ARF4: variants seen among roughly 807,000 people sequenced by gnomAD.
The protein encoded by ARF4 is ADP-ribosylation factor 4.
A neutral mutation model predicts 24.3 loss-of-function variants in ARF4; 5 were observed. The observed-to-expected ratio is 0.21, with a 90% CI of 0.11 to 0.43. ARF4 has a LOEUF of 0.43. Ranked by LOEUF, ARF4 falls within the 20% of genes least tolerant of loss-of-function variation. The probability of loss-of-function intolerance (pLI) is 1.00; values close to 1 mark genes in which losing one functional copy is unlikely to be tolerated. For synonymous variants in ARF4, 62 were observed against 73.5 expected (o/e 0.84, Z 0.80); for missense variants, 107 against 213.0 (o/e 0.50, Z 3.10).
chr3:57,592,420 G>A (rs1293300172), intron 1 of ARF4, among the ~76,000 whole-genome samples: 6 of 152,148 alleles, frequency 3.9e-5, no homozygotes, highest in East Asian at 3.9e-4. Context: ...CCCAGGAGGC[G>A]GAGGTTGCAG....
chr3:57,587,319 C>CAAA (rs56787111), intron 1 of ARF4, among the ~76,000 whole-genome samples: 1,277 of 45,278 alleles, frequency 0.028, 32 homozygotes, highest in Non-Finnish European at 0.046. Context: ...AACTCAGTCT[C>CAAA]AAAAAAAAAA....
chr3:57,589,981 C>T (rs1171446320), intron 1 of ARF4, among the ~76,000 whole-genome samples: 1 of 150,162 alleles, frequency 6.7e-6, no homozygotes, highest in Non-Finnish European at 1.5e-5. Context: ...ATCCCAGCTA[C>T]TCGGGAGGCT....
At chr3:57,584,505 C>T in intron 1 of ARF4, 41 bp from the exon 2 acceptor site, 1 of 1,494,726 alleles carries the variant, frequency 6.7e-7, no homozygotes, top group Non-Finnish European at 9.3e-7. Context: ...AGACCAAAAG[C>T]ACACTCCAAG....
At chr3:57,590,107 A>ATAAATAAAT (rs1349159350) in intron 1 of ARF4, among the ~76,000 whole-genome samples, 1 of 145,878 alleles carries the variant, frequency 6.9e-6, no homozygotes, top group East Asian at 2.0e-4. Flanking sequence ...AAATAAATAA[A>ATAAATAAAT]TAAATAAATA....
Position 57,597,240 on chromosome 3 carries a change from A to C in ARF4, c.-100T>G. ...CCAGGCAAACTAAACGAGAGGGAAGAGAAAGAGCGGAGGAAGAAAGAGGGA... is the reference window on the plus strand; with the variant it reads ...CCAGGCAAACTAAACGAGAGGGAAGCGAAAGAGCGGAGGAAGAAAGAGGGA... On this transcript the variant is annotated 5_prime_UTR_variant, in exon 1 of 6. Transcript: ENST00000303436. The C allele has an allele frequency of 1.7e-6, 2 of 1,188,002 alleles. No individual in the cohort carries two copies. Among genetic ancestry groups the C allele is most frequent in the Admixed American group, 4.2e-5 (2 of 48,166 alleles). The allele number at this position is 1,188,002 out of a possible 1,614,324, so 73.6% of individuals were successfully genotyped here.
chr3:57,584,461 C>T lies in ARF4; in HGVS notation c.71G>A (p.Gly24Glu). Reference protein sequence around the residue: ...GKKQMRILMVGLDAAGKTTIL... With the variant: ...GKKQMRILMVELDAAGKTTIL... Reference sequence around the variant, plus strand: ...GGTTGTCTTGCCAGCAGCATCCAATCCAACTAGAAGAAGACATTATAGATT... The same window carrying T: ...GGTTGTCTTGCCAGCAGCATCCAATTCAACTAGAAGAAGACATTATAGATT... Residue 24 changes from glycine (G) to glutamate (E), a missense_variant, in exon 2 of 6, where the codon GGA (glycine) becomes GAA (glutamate). Coordinates refer to ENST00000303436, the MANE Select transcript of ARF4 (RefSeq NM_001660.4). The T allele has an allele frequency of 6.2e-7, 1 of 1,612,298 alleles. No individual in the cohort carries two copies. Among genetic ancestry groups the T allele is most frequent in the Non-Finnish European group, 8.5e-7 (1 of 1,178,518 alleles).
At chr3:57,577,292 A>G in intron 4 of ARF4, 24 bp downstream of exon 4, 1 of 1,589,356 alleles carries the variant, frequency 6.3e-7, no homozygotes. Flanking sequence ...CTTGAAAATG[A>G]TGAATTTAAA....
Position 57,572,155 on chromosome 3 carries a change from G to T in ARF4, c.*57C>A. The stretch of plus-strand genomic sequence containing the variant: ...AACCAAGATACAAACTAATTTTGTT[G>T]TAACAAGCCTAGACCAATTTTATCA... On this transcript the variant is annotated 3_prime_UTR_variant, in exon 6 of 6. Coordinates refer to ENST00000303436, the MANE Select transcript of ARF4 (RefSeq NM_001660.4). The T allele has an allele frequency of 7.2e-7, 1 of 1,386,552 alleles. No individual in the cohort carries two copies. The highest frequency in any genetic ancestry group is 1.0e-6 in the Non-Finnish European group (1 of 974,676). The allele number at this position is 1,386,552 out of a possible 1,614,324, so 85.9% of individuals were successfully genotyped here. A position where few individuals can be genotyped will look rare whatever the true frequency, so the allele number is the denominator to read the frequency against.
chr3:57,591,755 G>A lies in ARF4; in HGVS notation c.67+5319C>T, dbSNP rs368306735. Among the ~76,000 whole-genome samples the A allele has an allele frequency of 1.2e-4, 18 of 152,230 alleles. No individual in the cohort carries two copies. In the East Asian group the frequency reaches 1.5e-3, roughly 13 times the overall value. The stretch of plus-strand genomic sequence containing the variant: ...GCTGGGATTACAGGCGTGAGCCACC[G>A]CGCCCGGCCATTATGAATGAACTTT... On this transcript the variant is annotated intron_variant, in intron 1 of 5. Coordinates refer to ENST00000303436, the MANE Select transcript of ARF4 (RefSeq NM_001660.4).
chr3:57,575,785 A>T (rs1444188266), intron 4 of ARF4, 112 bp from the exon 5 acceptor site: 15 of 1,172,088 alleles, frequency 1.3e-5, no homozygotes, highest in Non-Finnish European at 1.7e-5. Context: ...CATTAACCTA[A>T]TTTCTCGACA....
chr3:57,589,332 G>A (rs995943619), intron 1 of ARF4, among the ~76,000 whole-genome samples: 1 of 152,122 alleles, frequency 6.6e-6, no homozygotes, highest in African/African-American at 2.4e-5. Context: ...GGAGGCTGAG[G>A]CAGGAGGATC....
intron 3 of ARF4, among the ~76,000 whole-genome samples, chr3:57,578,729 T>G (rs565524047): frequency 1.8e-4 from 28 of 152,242 alleles, no homozygotes; most frequent in South Asian, 6.2e-4. Flanking sequence ...TCCACCCATC[T>G]TGGCCTCCCA....
chr3:57,584,421 C>T lies in ARF4; in HGVS notation c.111G>A (p.Leu37=). 1 of 1,613,738 alleles carries T rather than the reference C, an allele frequency of 6.2e-7. No homozygotes were observed. Among genetic ancestry groups the T allele is most frequent in the East Asian group, 2.2e-5 (1 of 44,864 alleles). ...AAGKTTILYK[L]KLGEIVTTIP... ...TGGTGGTGACTATCTCCCCTAACTT[C>T]AGTTTATACAGAATGGTTGTCTTGC... Residue 37 remains leucine, a synonymous_variant, in exon 2 of 6, where the codon CTG becomes CTA. Coordinates refer to ENST00000303436, the MANE Select transcript of ARF4 (RefSeq NM_001660.4).
chr3:57,578,699 G>T (rs1015976622), intron 3 of ARF4, among the ~76,000 whole-genome samples: 1 of 151,872 alleles, frequency 6.6e-6, no homozygotes, highest in Non-Finnish European at 1.5e-5. Flanking sequence ...ATGTGGTCTC[G>T]AACTCCTGGA....
Position 57,571,674 on chromosome 3 carries a change from T to G in ARF4, c.*538A>C, listed in dbSNP as rs1217352750. On this transcript the variant is annotated 3_prime_UTR_variant, in exon 6 of 6. Transcript: ENST00000303436. ...AAACCCCACCAAGGTTAAGTTTGGC[T>G]GATGTAGGCCAGGAGTCAATGTAGG... The G allele has an allele frequency of 6.5e-6, 1 of 152,826 alleles. No homozygotes were observed. Among genetic ancestry groups the G allele is most frequent in the African/African-American group, 2.4e-5 (1 of 41,458 alleles). 9.5% of individuals were successfully genotyped at this position (152,826 alleles called of 1,614,324 possible).
intron 5 of ARF4, among the ~76,000 whole-genome samples, chr3:57,574,999 G>A (rs762466489): frequency 1.1e-4 from 17 of 152,112 alleles, no homozygotes; most frequent in Non-Finnish European, 2.2e-4. Context: ...ACAGGCATGC[G>A]CAACCACACC....
At chr3:57,574,925 C>T (rs1021727929) in intron 5 of ARF4, among the ~76,000 whole-genome samples, 5 of 151,522 alleles carry the variant, frequency 3.3e-5, no homozygotes, top group East Asian at 2.0e-4. Flanking sequence ...CGCGACTCAC[C>T]GCAACCTCCA....
intron 1 of ARF4, among the ~76,000 whole-genome samples, chr3:57,589,554 C>T (rs12630440): frequency 0.16 from 24,789 of 151,190 alleles, 2,620 homozygotes; most frequent in East Asian, 0.48. Flanking sequence ...CCAGTCTCTA[C>T]TAAAAATACA....
At chr3:57,596,295 T>A (rs1463850172) in intron 1 of ARF4, among the ~76,000 whole-genome samples, 3 of 152,236 alleles carry the variant, frequency 2.0e-5, no homozygotes, top group African/African-American at 7.2e-5. Context: ...ATTTATCAGG[T>A]ATTTTTTAAA....
Sources: gnomAD v4.1 joint callset for allele counts (sites outside exome capture counted in the v4.1 genomes callset) on GRCh38, gnomAD v4.1.1 for gene constraint, MANE v1.5 for transcripts, NCBI Gene and HGNC (gene_info 2026-07-23, HGNC 2026-07-21) for gene names.